The following XRCC6 variants were observed in gnomAD, a reference collection of about 807,000 sequenced individuals.
XRCC6 encodes the protein DNA repair protein Ku70.
Under a neutral mutation model 65.7 loss-of-function variants are expected in XRCC6, and 5 were observed. That is an observed-to-expected ratio of 0.08 (90% CI 0.04 to 0.16). XRCC6 has a LOEUF of 0.16. Among genes scored for constraint, XRCC6 ranks in the 10% least tolerant of loss-of-function variants. The pLI, the probability that XRCC6 is intolerant of heterozygous loss-of-function variation, is 1.00. For missense variants in XRCC6, 447 were observed against 738.1 expected (o/e 0.61, Z 4.57); for synonymous variants, 270 against 270.6 (o/e 1.00, Z 0.02).
At chr22:41,621,699 G>C (rs1230931025) in intron 1 of XRCC6, 1 of 398,790 alleles carries the variant, frequency 2.5e-6, no homozygotes, top group Non-Finnish European at 4.6e-6. Flanking sequence ...ATCCTGGAGC[G>C]GGAATCCCTC....
chr22:41,660,491 C>T (rs917839442), intron 11 of XRCC6, among the ~76,000 whole-genome samples: 1 of 152,010 alleles, frequency 6.6e-6, no homozygotes, highest in African/African-American at 2.4e-5. Flanking sequence ...CTTATCTTAC[C>T]CTCTTTCAGT....
chr22:41,657,500 T>G (rs1434738770), intron 10 of XRCC6, among the ~76,000 whole-genome samples: 1 of 25,030 alleles, frequency 4.0e-5, no homozygotes, highest in East Asian at 4.2e-3. Flanking sequence ...TTTATTATTA[T>G]TATTATTATT....
intron 6 of XRCC6, among the ~76,000 whole-genome samples, chr22:41,638,778 A>G (rs13054719): frequency 7.0e-6 from 1 of 143,466 alleles, no homozygotes; most frequent in Admixed American, 6.9e-5. Context: ...CTCCGCCTCA[A>G]AAAAAAAAAA....
intron 3 of XRCC6, among the ~76,000 whole-genome samples, chr22:41,633,813 T>C (rs555162209): frequency 2.0e-5 from 3 of 152,282 alleles, no homozygotes; most frequent in Admixed American, 2.0e-4. Context: ...GAAGAAAATG[T>C]AGTGTTAGGT....
At chr22:41,632,567 C>T (rs755330812) in intron 3 of XRCC6, among the ~76,000 whole-genome samples, 2 of 151,978 alleles carry the variant, frequency 1.3e-5, no homozygotes, top group South Asian at 2.1e-4. Flanking sequence ...GCCAGGATCA[C>T]GCCACTGCAC....
intron 2 of XRCC6, among the ~76,000 whole-genome samples, chr22:41,624,635 C>T (rs1282978183): frequency 6.8e-6 from 1 of 147,356 alleles, no homozygotes; most frequent in Non-Finnish European, 1.5e-5. Context: ...TTGCAGTGAG[C>T]TGAGATTGCA....
At chr22:41,662,888 C>T (rs879835629) in intron 12 of XRCC6, among the ~76,000 whole-genome samples, 1 of 152,104 alleles carries the variant, frequency 6.6e-6, no homozygotes, top group African/African-American at 2.4e-5. Flanking sequence ...CAAGACCAGC[C>T]TGGCCAACAC....
intron 7 of XRCC6, 130 bp downstream of exon 7, chr22:41,647,212 T>G (rs2067941392): frequency 1.2e-6 from 1 of 864,008 alleles, no homozygotes; most frequent in Non-Finnish European, 1.8e-6. Context: ...GATCCTTCTG[T>G]CTCAGCCTCC....
chr22:41,663,828 C>G lies in XRCC6; in HGVS notation c.*13C>G, dbSNP rs759887906. ...CTTCCAGGACTGACCAGAGGCCGCG[C>G]GTCCAGCTGCCCTTCCGCAGTGTGG... On this transcript the variant is annotated 3_prime_UTR_variant, in exon 13 of 13. Coordinates refer to ENST00000360079, the MANE Select transcript of XRCC6 (RefSeq NM_001469.5). 1.9e-6 allele frequency: 3 copies of G among 1,605,976 alleles called. No individual in the cohort carries two copies. Among genetic ancestry groups the G allele is most frequent in the Non-Finnish European group, 2.6e-6 (3 of 1,174,628 alleles).
At position 41,646,865 on chromosome 22, in the gene XRCC6, G is replaced by C. The variant is rs1159861445; in HGVS notation, c.774-31G>C. The C allele has an allele frequency of 3.8e-6, 6 of 1,561,588 alleles. No homozygotes were observed. The African/African-American group carries it at 8.2e-5, about 21-fold the overall frequency. On this transcript the variant is annotated intron_variant, in intron 6 of 12. Transcript: ENST00000360079. ...TTAGATAGAAAAGTGCAGTTTTTCA[G>C]TTCATGCTCTTTCATTTTTTACTCC...
chr22:41,630,510 A>AT (rs1012510341), intron 3 of XRCC6, among the ~76,000 whole-genome samples: 7 of 133,468 alleles, frequency 5.2e-5, no homozygotes, highest in East Asian at 2.2e-4. Flanking sequence ...TTTTTAATTT[A>AT]TTTTTTTTAT....
At chr22:41,643,401 T>A (rs538250933) in intron 6 of XRCC6, among the ~76,000 whole-genome samples, 1 of 151,954 alleles carries the variant, frequency 6.6e-6, no homozygotes, top group South Asian at 2.1e-4. Context: ...AGAGCGAGAC[T>A]CCATCTCAAA....
chr22:41,657,124 C>G, intron 10 of XRCC6, 92 bp downstream of exon 10: 1 of 1,423,252 alleles, frequency 7.0e-7, no homozygotes, highest in Non-Finnish European at 9.3e-7. Context: ...TGGCACTACT[C>G]TTTTCAGCAA....
chr22:41,631,612 C>T (rs2067752481), intron 3 of XRCC6, among the ~76,000 whole-genome samples: 1 of 131,292 alleles, frequency 7.6e-6, no homozygotes, highest in Non-Finnish European at 1.6e-5. Flanking sequence ...GATGGGATGG[C>T]GGCTGGGCAG....
At chr22:41,636,404 T>C in intron 4 of XRCC6, 112 bp from the exon 5 acceptor site, 1 of 1,497,604 alleles carries the variant, frequency 6.7e-7, no homozygotes, top group Non-Finnish European at 8.9e-7. Flanking sequence ...CTTTGTTAAA[T>C]GGGTTAAACA....
chr22:41,638,494 T>G (rs1252189967), intron 6 of XRCC6, among the ~76,000 whole-genome samples: 1 of 151,982 alleles, frequency 6.6e-6, no homozygotes, highest in Non-Finnish European at 1.5e-5. Context: ...ACAATAAAAA[T>G]ATGATATAGG....
intron 9 of XRCC6, 54 bp from the exon 10 acceptor site, chr22:41,656,849 A>C: frequency 6.2e-7 from 1 of 1,608,772 alleles, no homozygotes; most frequent in South Asian, 1.1e-5. Context: ...GCTGAGAAAC[A>C]AGTGACTGCA....
At chr22:41,631,471 G>A (rs1244732646) in intron 3 of XRCC6, among the ~76,000 whole-genome samples, 21 of 148,864 alleles carry the variant, frequency 1.4e-4, no homozygotes, top group African/African-American at 3.2e-4. Context: ...GGGCAGAGAC[G>A]CTCCTCACCT....
intron 6 of XRCC6, among the ~76,000 whole-genome samples, chr22:41,639,680 TGAGATGGAGTCTTGCTC>T (rs2067853633): frequency 7.0e-6 from 1 of 143,076 alleles, no homozygotes. Flanking sequence ...TTTTTTTTTT[TGAGATGGAGTCTTGCTC>T]TTTTGGCCGG....
Sources: gnomAD v4.1 joint callset for allele counts (sites outside exome capture counted in the v4.1 genomes callset) on GRCh38, gnomAD v4.1.1 for gene constraint, MANE v1.5 for transcripts, NCBI Gene and HGNC (gene_info 2026-07-23, HGNC 2026-07-21) for gene names.